Variants in AHI1 observed in about 807,000 individuals in gnomAD.
AHI1 encodes Abelson helper integration site 1, also known as jouberin.
A neutral mutation model predicts 149.3 loss-of-function variants in AHI1; 123 were observed. The ratio of observed to expected loss-of-function variants is 0.82; its 90% CI spans 0.71 to 0.96. AHI1 has a LOEUF of 0.96. Ranked by LOEUF, AHI1 falls within the 40% of genes least tolerant of loss-of-function variation. AHI1 has a pLI of 0.00. For synonymous variants in AHI1, 475 were observed against 459.8 expected, an observed-to-expected ratio of 1.03 and a Z score of -0.42; for missense variants, 1,439 against 1,422.7, an observed-to-expected ratio of 1.01 and a Z score of -0.18.
chr6:135,397,866 A>T (rs1779446137), intron 22 of AHI1, among the ~76,000 whole-genome samples: 1 of 152,096 alleles, frequency 6.6e-6, no homozygotes, highest in Non-Finnish European at 1.5e-5. Context: ...ATGATATCAT[A>T]TCTCAAGTTG....
rs561187671 is a variant in AHI1, at chr6:135,468,107, C to T, written c.136-473G>A. On this transcript the variant is annotated intron_variant, in intron 5 of 28. Transcript: ENST00000265602. ...TGCTGAAAGAACTAGTATCCCAATACATATCTAAGATTTTACCAACTCTAA... is the reference window on the plus strand; with the variant it reads ...TGCTGAAAGAACTAGTATCCCAATATATATCTAAGATTTTACCAACTCTAA... 2.6e-5 allele frequency among the ~76,000 whole-genome samples: 4 copies of T among 152,222 alleles called. No homozygotes were observed. The South Asian group carries it at 6.2e-4, about 24-fold the overall frequency.
rs1243159820 is a variant in AHI1 at position 135,429,996 on chromosome 6, A to C, written c.2378T>G (p.Ile793Ser). 1 of 1,507,876 alleles carries C rather than the reference A, an allele frequency of 6.6e-7. No homozygotes were observed. Among genetic ancestry groups the C allele is most frequent in the Non-Finnish European group, 9.0e-7 (1 of 1,109,800 alleles). The allele number at this position is 1,507,876 out of a possible 1,614,324, so 93.4% of individuals were successfully genotyped here. The change falls in exon 18 of 29, where the codon ATT (isoleucine) becomes AGT (serine). Residue 793 changes from isoleucine (I) to serine (S), a missense_variant. Physicochemically the swap from Ile to Ser is moderately radical, Grantham distance 142. Transcript: ENST00000265602. Reference protein sequence around the residue: ...SVHHWTINKEIKETEFKGIPI... With the variant: ...SVHHWTINKESKETEFKGIPI... The stretch of plus-strand genomic sequence containing the variant: ...AATTCCCTTAAACTCAGTTTCTTTA[A>C]TTTCCTAAAATGATTAAAAAAAATA...
intron 28 of AHI1, among the ~76,000 whole-genome samples, chr6:135,288,252 G>T (rs182022723): frequency 4.2e-4 from 64 of 152,148 alleles, no homozygotes; most frequent in African/African-American, 1.5e-3. Flanking sequence ...AATAGCCCCT[G>T]ACTGGAAGCA....
intron 5 of AHI1, among the ~76,000 whole-genome samples, chr6:135,478,897 C>T (rs1269891898): frequency 2.6e-5 from 4 of 152,254 alleles, no homozygotes; most frequent in Non-Finnish European, 4.4e-5. Context: ...GTCCCAGCTG[C>T]TCTGGCTCCA....
intron 8 of AHI1, among the ~76,000 whole-genome samples, chr6:135,461,670 C>G (rs1789908757): frequency 1.3e-5 from 2 of 151,934 alleles, no homozygotes; most frequent in African/African-American, 4.8e-5. Flanking sequence ...AGAAACAACT[C>G]AAATGACCAT....
At chr6:135,297,464 T>G in intron 27 of AHI1, 1 of 456,204 alleles carries the variant, frequency 2.2e-6, no homozygotes, top group African/African-American at 2.0e-5. Context: ...GCTATGCATA[T>G]TCCTCCTGCC....
intron 5 of AHI1, among the ~76,000 whole-genome samples, chr6:135,475,075 G>T (rs999179831): frequency 6.6e-6 from 1 of 152,014 alleles, no homozygotes; most frequent in African/African-American, 2.4e-5. Context: ...TACAGATTCC[G>T]TTTTTTTAAA....
At chr6:135,333,428 T>G (rs1169913657) in intron 24 of AHI1, among the ~76,000 whole-genome samples, 6 of 152,060 alleles carry the variant, frequency 3.9e-5, no homozygotes, top group Non-Finnish European at 5.9e-5. Context: ...AAACATACAG[T>G]CCCTTACCAT....
At chr6:135,355,960 C>T (rs1792902289) in intron 24 of AHI1, among the ~76,000 whole-genome samples, 1 of 152,190 alleles carries the variant, frequency 6.6e-6, no homozygotes, top group Non-Finnish European at 1.5e-5. Context: ...CTGATAAATT[C>T]TCATTTGCTC....
At chr6:135,315,420 C>T (rs1467888156) in intron 26 of AHI1, among the ~76,000 whole-genome samples, 3 of 152,082 alleles carry the variant, frequency 2.0e-5, no homozygotes, top group African/African-American at 4.8e-5. Context: ...TAGAGGAGAA[C>T]GTGCTTTCTA....
At chr6:135,324,660 C>T (rs1242708338) in intron 24 of AHI1, among the ~76,000 whole-genome samples, 9 of 151,652 alleles carry the variant, frequency 5.9e-5, no homozygotes, top group Non-Finnish European at 2.9e-5. Context: ...CGGCATTAGA[C>T]GTGAGAGCTG....
Position 135,394,904 on chromosome 6 carries a change from A to G in AHI1, c.2989-8T>C, listed in dbSNP as rs776926437. ...TGAGAGATTTTTGTTGACCTGTATT[A>G]GGAAAACAAATCAGAAACTACAGTG... On this transcript the variant is annotated splice_region_variant and splice_polypyrimidine_tract_variant and intron_variant, in intron 22 of 28. Coordinates refer to ENST00000265602, the MANE Select transcript of AHI1 (RefSeq NM_001134831.2). 32 of 1,588,770 alleles carry G rather than the reference A, an allele frequency of 2.0e-5. 1 individual carries two copies. The South Asian group carries it at 3.7e-4, about 18-fold the overall frequency.
intron 5 of AHI1, among the ~76,000 whole-genome samples, chr6:135,480,716 G>A (rs1793484354): frequency 6.6e-6 from 1 of 152,172 alleles, no homozygotes; most frequent in Non-Finnish European, 1.5e-5. Flanking sequence ...ATTAGGGCAG[G>A]GGTCCTCATG....
At chr6:135,304,417 C>T (rs1784291890) in intron 26 of AHI1, among the ~76,000 whole-genome samples, 1 of 152,164 alleles carries the variant, frequency 6.6e-6, no homozygotes, top group African/African-American at 2.4e-5. Context: ...TTATAATGCT[C>T]TTCCTTAAGG....
In AHI1 at chr6:135,490,835, G is replaced by A. The variant is rs1010742217; in HGVS notation, c.11-88C>T. On this transcript the variant is annotated intron_variant, in intron 4 of 28. Transcript: ENST00000265602. The stretch of plus-strand genomic sequence containing the variant: ...CTAGGATGTTAAGAAATAAGTTCTT[G>A]TAAATATCGGCATGAGTTCTCTAGC... 12 of 1,457,582 alleles carry A rather than the reference G, an allele frequency of 8.2e-6. No homozygotes were observed. The Admixed American group carries it at 1.1e-4, about 14-fold the overall frequency. The allele number at this position is 1,457,582 out of a possible 1,614,324, so 90.3% of individuals were successfully genotyped here.
intron 20 of AHI1, among the ~76,000 whole-genome samples, chr6:135,411,845 A>C (rs1228293350): frequency 6.6e-6 from 1 of 152,182 alleles, no homozygotes; most frequent in African/African-American, 2.4e-5. Flanking sequence ...CAAAGGCATA[A>C]CAGAATTAAG....
At chr6:135,317,101 CT>C (rs1287521257) in intron 26 of AHI1, among the ~76,000 whole-genome samples, 1 of 152,076 alleles carries the variant, frequency 6.6e-6, no homozygotes, top group African/African-American at 2.4e-5. Flanking sequence ...TCCATCCCCC[CT>C]AGTTCAGGTT....
intron 13 of AHI1, among the ~76,000 whole-genome samples, chr6:135,443,225 G>C (rs904324736): frequency 4.6e-5 from 7 of 152,028 alleles, no homozygotes; most frequent in Non-Finnish European, 8.8e-5. Context: ...TAATCAATCG[G>C]CCCTTATTGG....
intron 11 of AHI1, among the ~76,000 whole-genome samples, chr6:135,449,734 A>G (rs1787805841): frequency 6.6e-6 from 1 of 152,236 alleles, no homozygotes; most frequent in South Asian, 2.1e-4. Flanking sequence ...GTATTGTCCA[A>G]GAGAGCTTTC....
Sources: gnomAD v4.1 joint callset for allele counts (sites outside exome capture counted in the v4.1 genomes callset) on GRCh38, gnomAD v4.1.1 for gene constraint, MANE v1.5 for transcripts, NCBI Gene and HGNC (gene_info 2026-07-23, HGNC 2026-07-21) for gene names.